ADGRB3: variants seen among roughly 807,000 people sequenced by gnomAD.
ADGRB3 encodes the protein adhesion G protein-coupled receptor B3.
In ADGRB3, 37 loss-of-function variants were observed where a neutral mutation model predicts 193.4. That is an observed-to-expected ratio of 0.19 (90% CI 0.15 to 0.25). The LOEUF is 0.25. ADGRB3 is among the 10% of genes least tolerant of loss of function. The pLI is 1.00. For missense variants in ADGRB3, 1,637 were observed against 1,852.9 expected, an observed-to-expected ratio of 0.88 and a Z score of 2.14; for synonymous variants, 690 against 644.2, an observed-to-expected ratio of 1.07 and a Z score of -1.08.
chr6:68,934,781 T>G lies in ADGRB3; in HGVS notation c.869-1738T>G, dbSNP rs144244586. Among the ~76,000 whole-genome samples the G allele has an allele frequency of 8.0e-4, 122 of 152,348 alleles. 1 individual carries two copies. In the East Asian group the frequency reaches 0.023, roughly 29 times the overall value. On this transcript the variant is annotated intron_variant, in intron 4 of 31. Transcript: ENST00000370598. ...TTTATAGAATAATGATTTTCAATCTTGATAGAGTATTCTTTAATGTAAAAG... is the reference window on the plus strand; with the variant it reads ...TTTATAGAATAATGATTTTCAATCTGGATAGAGTATTCTTTAATGTAAAAG...
chr6:69,114,937 A>T (rs1582471349), intron 17 of ADGRB3, among the ~76,000 whole-genome samples: 2 of 152,234 alleles, frequency 1.3e-5, no homozygotes, highest in African/African-American at 4.8e-5. Context: ...TTAAAAAGTC[A>T]AGAAACAACA....
intron 13 of ADGRB3, among the ~76,000 whole-genome samples, chr6:69,037,546 G>A (rs1770908614): frequency 6.6e-6 from 1 of 152,060 alleles, no homozygotes; most frequent in Admixed American, 6.5e-5. Context: ...TCCAATGGCT[G>A]TTCTTCATTC....
At chr6:69,051,984 G>A (rs557589950) in intron 15 of ADGRB3, among the ~76,000 whole-genome samples, 3 of 152,016 alleles carry the variant, frequency 2.0e-5, no homozygotes, top group South Asian at 4.2e-4. Context: ...AAGATCTCCC[G>A]GGTTCACACC....
chr6:68,717,740 A>G (rs1400886891), intron 3 of ADGRB3, among the ~76,000 whole-genome samples: 3 of 151,706 alleles, frequency 2.0e-5, no homozygotes, highest in African/African-American at 2.4e-5. Context: ...ATTATTTTCT[A>G]TCTACCATGT....
chr6:69,057,494 GA>G (rs35196737), intron 15 of ADGRB3, among the ~76,000 whole-genome samples: 74,720 of 151,692 alleles, frequency 0.49, 20,544 homozygotes, highest in East Asian at 0.96. Context: ...GATCTTAGGG[GA>G]AAAACTTTCA....
At chr6:68,848,389 GCTAA>G (rs1768327759) in intron 3 of ADGRB3, among the ~76,000 whole-genome samples, 2 of 151,960 alleles carry the variant, frequency 1.3e-5, no homozygotes, top group Admixed American at 6.6e-5. Context: ...CTTAAGAAAT[GCTAA>G]CTAAGAAACT....
chr6:69,292,745 T>A (rs1767716909), intron 20 of ADGRB3, among the ~76,000 whole-genome samples: 1 of 151,958 alleles, frequency 6.6e-6, no homozygotes, highest in Admixed American at 6.6e-5. Flanking sequence ...ATACTTTAAG[T>A]TTTAGGGTAC....
chr6:69,149,826 G>A (rs1774616499), intron 17 of ADGRB3, among the ~76,000 whole-genome samples: 1 of 151,998 alleles, frequency 6.6e-6, no homozygotes, highest in South Asian at 2.1e-4. Flanking sequence ...GTCTCGCGTA[G>A]CATCGGAGAG....
intron 17 of ADGRB3, among the ~76,000 whole-genome samples, chr6:69,109,120 C>T (rs981716261): frequency 2.4e-4 from 36 of 152,086 alleles, no homozygotes; most frequent in African/African-American, 8.5e-4. Context: ...AACTACCCAC[C>T]GTAGTGGCCT....
chr6:69,016,794 T>C (rs1770105125), intron 12 of ADGRB3, among the ~76,000 whole-genome samples: 1 of 151,840 alleles, frequency 6.6e-6, no homozygotes, highest in Non-Finnish European at 1.5e-5. Flanking sequence ...TTTCCAAAAG[T>C]AAATGTTCTT....
At chr6:68,825,446 A>G (rs1301337549) in intron 3 of ADGRB3, among the ~76,000 whole-genome samples, 1 of 151,920 alleles carries the variant, frequency 6.6e-6, no homozygotes, top group South Asian at 2.1e-4. Flanking sequence ...AAGGGAATGC[A>G]TACATATATG....
chr6:69,035,684 A>G (rs943022409), intron 13 of ADGRB3, among the ~76,000 whole-genome samples: 3 of 152,258 alleles, frequency 2.0e-5, no homozygotes, highest in Non-Finnish European at 2.9e-5. Context: ...AGGCACAACA[A>G]TGGAAGCAGG....
At chr6:69,088,899 A>G (rs1230607021) in intron 17 of ADGRB3, among the ~76,000 whole-genome samples, 1 of 152,242 alleles carries the variant, frequency 6.6e-6, no homozygotes, top group Non-Finnish European at 1.5e-5. Flanking sequence ...TAAAAGAAGG[A>G]AATTATTTTC....
chr6:69,276,427 T>C (rs1431311918), intron 20 of ADGRB3, among the ~76,000 whole-genome samples: 1 of 152,160 alleles, frequency 6.6e-6, no homozygotes, highest in African/African-American at 2.4e-5. Flanking sequence ...ATATAAGTCA[T>C]TCCATATCTG....
At chr6:68,936,933 A>G (rs780961586) in intron 5 of ADGRB3, among the ~76,000 whole-genome samples, 3 of 152,160 alleles carry the variant, frequency 2.0e-5, no homozygotes, top group Non-Finnish European at 4.4e-5. Context: ...TCTACTTCTA[A>G]TAATATTTAA....
chr6:68,943,529 T>C (rs565486973), intron 5 of ADGRB3, among the ~76,000 whole-genome samples: 104 of 152,256 alleles, frequency 6.8e-4, no homozygotes, highest in African/African-American at 2.5e-3. Flanking sequence ...TAAAAATAAT[T>C]TGTGACTGTT....
rs1428892982 is a variant in ADGRB3, at chr6:68,795,995, G to C, written c.758-134564G>C. Among the ~76,000 whole-genome samples the C allele has an allele frequency of 2.0e-5, 3 of 151,852 alleles. No homozygotes were observed. In the East Asian group the frequency reaches 5.8e-4, roughly 29 times the overall value. On this transcript the variant is annotated intron_variant, in intron 3 of 31. Transcript: ENST00000370598. Reference sequence around the variant, plus strand: ...GGTTCCAGCTTTGTGAATCTTTTCTGTTTTGCTGCAAAATAAATGATAACC... The same window carrying C: ...GGTTCCAGCTTTGTGAATCTTTTCTCTTTTGCTGCAAAATAAATGATAACC...
chr6:68,960,722 C>T (rs544736729), intron 8 of ADGRB3, among the ~76,000 whole-genome samples: 3 of 152,260 alleles, frequency 2.0e-5, no homozygotes, highest in African/African-American at 7.2e-5. Context: ...TTGTCCAAAG[C>T]AGTGCTTCCC....
intron 20 of ADGRB3, among the ~76,000 whole-genome samples, chr6:69,322,820 G>A (rs1351138069): frequency 6.6e-6 from 1 of 151,864 alleles, no homozygotes; most frequent in African/African-American, 2.4e-5. Flanking sequence ...TCCATACTTG[G>A]AGCAATTTAA....
Sources: gnomAD v4.1 joint callset for allele counts (sites outside exome capture counted in the v4.1 genomes callset) on GRCh38, gnomAD v4.1.1 for gene constraint, MANE v1.5 for transcripts, NCBI Gene and HGNC (gene_info 2026-07-23, HGNC 2026-07-21) for gene names.